The following PAK5 variants were observed in gnomAD, a reference collection of about 807,000 sequenced individuals.
The protein encoded by PAK5 is p21 (RAC1) activated kinase 5.
Under a neutral mutation model 65.9 loss-of-function variants are expected in PAK5, and 16 were observed. That is an observed-to-expected ratio of 0.24 (90% CI 0.16 to 0.37). The LOEUF is 0.37. Among genes scored for constraint, PAK5 ranks in the 10% least tolerant of loss-of-function variants. The probability of loss-of-function intolerance (pLI) is 1.00; values close to 1 mark genes in which losing one functional copy is unlikely to be tolerated. For synonymous variants in PAK5, 371 were observed against 354.9 expected, an observed-to-expected ratio of 1.05 and a Z score of -0.51; for missense variants, 785 against 903.9, an observed-to-expected ratio of 0.87 and a Z score of 1.69.
At chr20:9,601,228 A>G (rs1158659823) in intron 3 of PAK5, among the ~76,000 whole-genome samples, 1 of 152,140 alleles carries the variant, frequency 6.6e-6, no homozygotes, top group Non-Finnish European at 1.5e-5. Context: ...CATTGCCTTA[A>G]TTTCATGTGT....
chr20:9,559,071 G>A (rs752742165), intron 6 of PAK5, among the ~76,000 whole-genome samples: 10 of 152,156 alleles, frequency 6.6e-5, no homozygotes, highest in Non-Finnish European at 1.3e-4. Flanking sequence ...GAGTGAAATA[G>A]TTCAGCCACA....
In PAK5 at chr20:9,538,217, G is replaced by T; in HGVS notation, c.*1245C>A. 1 of 233,594 alleles carries T rather than the reference G, an allele frequency of 4.3e-6. No homozygotes were observed. Among genetic ancestry groups the T allele is most frequent in the East Asian group, 6.0e-5 (1 of 16,546 alleles). The allele number at this position is 233,594 out of a possible 1,614,324, so 14.5% of individuals were successfully genotyped here. On this transcript the variant is annotated 3_prime_UTR_variant, in exon 10 of 10. Coordinates refer to ENST00000353224, the MANE Select transcript of PAK5 (RefSeq NM_177990.4). ...TTCAAGAAGATCTAGACAGCAGCAC[G>T]ACTCTCCTATGTCGGAAACACATTA...
intron 1 of PAK5, among the ~76,000 whole-genome samples, chr20:9,830,458 A>G (rs1978622298): frequency 6.6e-6 from 1 of 152,204 alleles, no homozygotes; most frequent in African/African-American, 2.4e-5. Context: ...AATTGAACCA[A>G]GAGGCTGGTA....
chr20:9,557,170 G>A (rs1184558422), intron 7 of PAK5, among the ~76,000 whole-genome samples: 1 of 152,094 alleles, frequency 6.6e-6, no homozygotes, highest in Admixed American at 6.6e-5. Flanking sequence ...CCACGCTTTT[G>A]TAAACTGTCC....
chr20:9,714,611 CT>C (rs2048119908), intron 1 of PAK5, among the ~76,000 whole-genome samples: 1 of 152,106 alleles, frequency 6.6e-6, no homozygotes, highest in Non-Finnish European at 1.5e-5. Context: ...TTTACTTGTA[CT>C]TCATAGGAAG....
intron 3 of PAK5, among the ~76,000 whole-genome samples, chr20:9,588,833 T>C (rs1172970140): frequency 7.2e-5 from 11 of 152,188 alleles, no homozygotes; most frequent in Non-Finnish European, 1.5e-5. Context: ...ATGGTGCTCA[T>C]TGTCTTTCCA....
At position 9,692,558 on chromosome 20, in the gene PAK5, A is replaced by T. The variant is rs569995218; in HGVS notation, c.-12+18728T>A. On this transcript the variant is annotated intron_variant, in intron 2 of 9. Coordinates refer to ENST00000353224, the MANE Select transcript of PAK5 (RefSeq NM_177990.4). ...ACTAAAGGAATTCTAACTCTCAGTG[A>T]TTTTTTTAAAACAGATGATTCAACA... is the stretch of plus-strand genomic sequence containing the variant. 1.1e-3 allele frequency among the ~76,000 whole-genome samples: 168 copies of T among 152,314 alleles called. 5 individuals carry two copies. The South Asian group carries it at 0.033, about 30-fold the overall frequency.
In PAK5 at chr20:9,632,524, C is replaced by T. The variant is rs576425566; in HGVS notation, c.204+11601G>A. ...TCTGCAAAGGGCTCTGAGTACTCTA[C>T]AACTAAAAAATAAAGTCATATGGCA... On this transcript the variant is annotated intron_variant, in intron 3 of 9. Coordinates refer to ENST00000353224, the MANE Select transcript of PAK5 (RefSeq NM_177990.4). 5.3e-5 allele frequency among the ~76,000 whole-genome samples: 8 copies of T among 152,136 alleles called. No homozygotes were observed. The South Asian group carries it at 1.7e-3, about 32-fold the overall frequency.
intron 3 of PAK5, among the ~76,000 whole-genome samples, chr20:9,641,989 A>G (rs921680949): frequency 6.6e-6 from 1 of 152,130 alleles, no homozygotes; most frequent in Non-Finnish European, 1.5e-5. Flanking sequence ...CCTCCCTGCA[A>G]GCTGAGGGAG....
chr20:9,805,288 T>C (rs992394195), intron 1 of PAK5, among the ~76,000 whole-genome samples: 2 of 152,164 alleles, frequency 1.3e-5, no homozygotes, highest in African/African-American at 4.8e-5. Flanking sequence ...GAGTCTAAAG[T>C]ACAGTCACTT....
chr20:9,784,382 T>C (rs928149569), intron 1 of PAK5: 3 of 152,140 alleles, frequency 2.0e-5, no homozygotes, highest in Non-Finnish European at 2.9e-5. Flanking sequence ...CCAGCGAAAG[T>C]TGGAAATACA....
At chr20:9,544,208 T>C (rs6056682) in intron 8 of PAK5, among the ~76,000 whole-genome samples, 161 bp downstream of exon 8, 28,944 of 152,124 alleles carry the variant, frequency 0.19, 3,630 homozygotes, top group African/African-American at 0.36. Flanking sequence ...GGCTCCCACC[T>C]GCCACAGCCT....
At chr20:9,832,863 T>C (rs1978837405) in intron 1 of PAK5, among the ~76,000 whole-genome samples, 1 of 152,234 alleles carries the variant, frequency 6.6e-6, no homozygotes, top group Non-Finnish European at 1.5e-5. Flanking sequence ...GGGGTGCTAT[T>C]GTTTACTCAC....
At chr20:9,616,394 A>G (rs2046656258) in intron 3 of PAK5, among the ~76,000 whole-genome samples, 1 of 152,180 alleles carries the variant, frequency 6.6e-6, no homozygotes, top group South Asian at 2.1e-4. Context: ...CCCAATGTTC[A>G]TCCTTCCAGA....
intron 2 of PAK5, among the ~76,000 whole-genome samples, chr20:9,668,215 T>C (rs949854267): frequency 2.0e-5 from 3 of 152,204 alleles, no homozygotes; most frequent in African/African-American, 7.2e-5. Context: ...AAATTCATAC[T>C]GAAAGCACAT....
intron 2 of PAK5, among the ~76,000 whole-genome samples, chr20:9,709,881 T>C (rs2048057190): frequency 6.6e-6 from 1 of 152,152 alleles, no homozygotes; most frequent in Non-Finnish European, 1.5e-5. Flanking sequence ...ATACATTTCT[T>C]TTCCTCTCTT....
intron 1 of PAK5, among the ~76,000 whole-genome samples, chr20:9,781,254 T>G (rs2048937676): frequency 6.6e-6 from 1 of 152,094 alleles, no homozygotes; most frequent in Non-Finnish European, 1.5e-5. Context: ...GTTCATGAAT[T>G]TACTGCTGAT....
At chr20:9,641,436 T>C (rs1289721234) in intron 3 of PAK5, among the ~76,000 whole-genome samples, 7 of 64,372 alleles carry the variant, frequency 1.1e-4, no homozygotes, top group Admixed American at 1.9e-4. Context: ...TTGAGCTAGA[T>C]ACAGAGTGCC....
At chr20:9,634,427 G>A (rs2046959703) in intron 3 of PAK5, among the ~76,000 whole-genome samples, 3 of 152,194 alleles carry the variant, frequency 2.0e-5, no homozygotes, top group Admixed American at 1.3e-4. Flanking sequence ...TAGGCCATGT[G>A]AGCTTAAGTT....
Sources: gnomAD v4.1 joint callset for allele counts (sites outside exome capture counted in the v4.1 genomes callset) on GRCh38, gnomAD v4.1.1 for gene constraint, MANE v1.5 for transcripts, NCBI Gene and HGNC (gene_info 2026-07-23, HGNC 2026-07-21) for gene names.